XPC: variants seen among roughly 807,000 people sequenced by gnomAD.
XPC encodes XPC complex subunit, DNA damage recognition and repair factor, also known as DNA repair protein complementing XP-C cells.
XPC carries 76 observed loss-of-function variants against 95.8 expected under a neutral mutation model. The ratio of observed to expected loss-of-function variants is 0.79; its 90% CI spans 0.66 to 0.96. The LOEUF (loss-of-function observed/expected upper bound fraction) is 0.96, where lower values mean the gene tolerates loss of function less well. XPC is among the 40% of genes least tolerant of loss of function. XPC has a pLI of 0.00. For synonymous variants in XPC, 442 were observed against 442.1 expected, an observed-to-expected ratio of 1.00 and a Z score of 0.00; for missense variants, 1,146 against 1,179.8, an observed-to-expected ratio of 0.97 and a Z score of 0.42.
intron 6 of XPC, 124 bp downstream of exon 6, chr3:14,165,304 T>C: frequency 1.5e-6 from 2 of 1,295,742 alleles, no homozygotes; most frequent in Non-Finnish European, 2.1e-6. Context: ...TTCAATGCCA[T>C]GCCCACCACC....
rs1472501733 is a variant in XPC, at chr3:14,145,390, T to A, written c.*551A>T. On this transcript the variant is annotated 3_prime_UTR_variant, in exon 16 of 16. Transcript: ENST00000285021. The stretch of plus-strand genomic sequence containing the variant: ...TAGATCCCAGCAGATGACCTGTACT[T>A]CTCTGCTCTCTCCCCTACTGCAAAG... 12 of 699,906 alleles carry A rather than the reference T, an allele frequency of 1.7e-5. No individual in the cohort carries two copies. The highest frequency in any genetic ancestry group is 3.5e-5 in the African/African-American group (2 of 57,152). The allele number at this position is 699,906 out of a possible 1,614,324, so 43.4% of individuals were successfully genotyped here. A position where few individuals can be genotyped will look rare whatever the true frequency, so the allele number is the denominator to read the frequency against.
chr3:14,152,252 C>T (rs1695721181), intron 11 of XPC, 83 bp downstream of exon 11: 2 of 1,243,862 alleles, frequency 1.6e-6, no homozygotes, highest in South Asian at 1.4e-5. Flanking sequence ...GGAGGCTCAT[C>T]ATCACTTCTC....
Position 14,178,538 on chromosome 3 carries a change from G to A in XPC, c.31C>T (p.Pro11Ser), listed in dbSNP as rs779973972. Reference protein sequence around the residue: MARKRAAGGEPRGRELRSQKS... With the variant: MARKRAAGGESRGRELRSQKS... ...TGGCTGCGCAGTTCGCGTCCCCGCG[G>A]CTCCCCGCCGGCCGCGCGTTTCCGA... The change falls in exon 1 of 16, where the codon CCG becomes TCG. Residue 11 changes from proline (P) to serine (S), a missense_variant. Pro to Ser is a moderately conservative substitution (Grantham distance 74). Transcript: ENST00000285021. 3.1e-6 allele frequency: 5 copies of A among 1,612,714 alleles called. No individual in the cohort carries two copies. Among genetic ancestry groups the A allele is most frequent in the Non-Finnish European group, 4.2e-6 (5 of 1,179,620 alleles).
chr3:14,166,994 C>G (rs1001266946), intron 5 of XPC, among the ~76,000 whole-genome samples, 175 bp downstream of exon 5: 15 of 152,248 alleles, frequency 9.9e-5, no homozygotes, highest in Middle Eastern at 3.4e-3. Flanking sequence ...ACACAACCAC[C>G]CTCCAAGACA....
chr3:14,159,979 C>G, intron 7 of XPC, 149 bp from the exon 8 acceptor site: 1 of 637,104 alleles, frequency 1.6e-6, no homozygotes, highest in Non-Finnish European at 2.6e-6. Flanking sequence ...ACTCCAGACA[C>G]TGTTAAAAAC....
Position 14,168,337 on chromosome 3 carries a change from G to A in XPC, c.456C>T (p.Ala152=). The change falls in exon 4 of 16, where the codon GCC becomes GCT. Residue 152 remains alanine, a synonymous_variant. Coordinates refer to ENST00000285021, the MANE Select transcript of XPC (RefSeq NM_004628.5). ...PVLGDVREST[A]FSRSLLPVKP... ...TCACAGGCAGAAGAGATCGAGAGAAGGCTGTACTTTCTCTCACGTCACCCA... is the reference window on the plus strand; with the variant it reads ...TCACAGGCAGAAGAGATCGAGAGAAAGCTGTACTTTCTCTCACGTCACCCA... 1.2e-6 allele frequency: 2 copies of A among 1,613,898 alleles called. No individual in the cohort carries two copies. The highest frequency in any genetic ancestry group is 1.7e-6 in the Non-Finnish European group (2 of 1,179,820).
chr3:14,148,220 GAA>G (rs1695529364), intron 13 of XPC: 1 of 583,466 alleles, frequency 1.7e-6, no homozygotes, highest in South Asian at 2.2e-5. Flanking sequence ...AAGCTGGGGT[GAA>G]AGCCCCTATC....
rs1367666247 is a variant in XPC at position 14,178,483 on chromosome 3, C to G, written c.86G>C (p.Arg29Pro). Residue 29 changes from arginine to proline, a missense_variant, in exon 1 of 16, where the codon CGT (arginine) becomes CCT (proline). Transcript: ENST00000285021. ...QKSKAKSKAR[R>P]EEEEEDAFED... ...GCTCTCACCCTCCTCCTCCTCCTCACGCCGGGCCTTGCTCTTGGCCTTGGA... is the reference window on the plus strand; with the variant it reads ...GCTCTCACCCTCCTCCTCCTCCTCAGGCCGGGCCTTGCTCTTGGCCTTGGA... 9 of 1,611,138 alleles carry G rather than the reference C, an allele frequency of 5.6e-6. No individual in the cohort carries two copies. The African/African-American group carries it at 8.0e-5, about 14-fold the overall frequency.
At chr3:14,177,421 G>A (rs1487205270) in intron 1 of XPC, among the ~76,000 whole-genome samples, 1 of 152,134 alleles carries the variant, frequency 6.6e-6, no homozygotes, top group Non-Finnish European at 1.5e-5. Flanking sequence ...TCTAACTTGA[G>A]TTTTGAAGAA....
At chr3:14,171,033 G>A (rs569063131) in intron 2 of XPC, among the ~76,000 whole-genome samples, 3 of 152,212 alleles carry the variant, frequency 2.0e-5, no homozygotes, top group East Asian at 1.9e-4. Flanking sequence ...CTTCAAGCAG[G>A]GATGTAACTA....
intron 2 of XPC, 24 bp downstream of exon 2, chr3:14,172,843 G>C (rs779436920): frequency 1.2e-6 from 2 of 1,601,662 alleles, no homozygotes; most frequent in African/African-American, 2.7e-5. Context: ...CAAGACCCGA[G>C]ACAAAGCTTT....
chr3:14,159,254 C>T (rs1002825699), intron 8 of XPC, among the ~76,000 whole-genome samples: 1 of 152,170 alleles, frequency 6.6e-6, no homozygotes, highest in Non-Finnish European at 1.5e-5. Flanking sequence ...AGTACTACTA[C>T]CCACCTTGGA....
intron 1 of XPC, among the ~76,000 whole-genome samples, chr3:14,175,731 T>C (rs553319779): frequency 1.3e-5 from 2 of 152,346 alleles, no homozygotes; most frequent in African/African-American, 4.8e-5. Context: ...AAGTATCACC[T>C]TCATTTGCAT....
intron 1 of XPC, among the ~76,000 whole-genome samples, chr3:14,175,175 G>C (rs1696763370): frequency 6.6e-6 from 1 of 152,008 alleles, no homozygotes; most frequent in Non-Finnish European, 1.5e-5. Context: ...CCTCCTAAGA[G>C]TGTTTAAACA....
rs367800362 is a variant in XPC, at chr3:14,147,902, G to A, written c.2514+6C>T. 3.1e-5 allele frequency: 50 copies of A among 1,593,636 alleles called. No individual in the cohort carries two copies. The highest frequency in any genetic ancestry group is 9.0e-5 in the East Asian group (4 of 44,260). ...TGCTGTCCCTCAGTCCTGCATATGC[G>A]CTTACCTCCTTCTCCTTCCTTTCAA... On this transcript the variant is annotated splice_donor_region_variant and intron_variant, in intron 14 of 15. Transcript: ENST00000285021.
At position 14,147,961 on chromosome 3, in the gene XPC, G is replaced by C. The variant is rs908311823; in HGVS notation, c.2461C>G (p.Leu821Val). The C allele has an allele frequency of 5.0e-6, 8 of 1,601,650 alleles. No homozygotes were observed. The highest frequency in any genetic ancestry group is 6.8e-6 in the Non-Finnish European group (8 of 1,173,750). ...TGCTCATTTTCCCAGGCAGTCAGGA[G>C]CACGTCTTTGAATTCCTCGCAGACG... is the stretch of plus-strand genomic sequence containing the variant. The part of the protein sequence containing the change: ...YIVCEEFKDV[L>V]LTAWENEQAV... The change falls in exon 14 of 16, where the codon CTC (leucine) becomes GTC (valine). Residue 821 changes from leucine to valine, a missense_variant. Leu to Val is a conservative substitution (Grantham distance 32). Coordinates refer to ENST00000285021, the MANE Select transcript of XPC (RefSeq NM_004628.5).
Position 14,158,664 on chromosome 3 carries a change from C to T in XPC, c.1219G>A (p.Asp407Asn). Residue 407 changes from aspartate (D) to asparagine (N), a missense_variant, in exon 9 of 16, where the codon GAC becomes AAC. Physicochemically the swap from Asp to Asn is conservative, Grantham distance 23. Transcript: ENST00000285021. This position sits in a 1 kb window ranked among gnomAD's most constrained non-coding sequence, Gnocchi z 5.2. ...SSSEEDEGPG[D>N]KQEKATQRRP... The stretch of plus-strand genomic sequence containing the variant: ...CGCTGGGTTGCCTTCTCCTGCTTGT[C>T]TCCTGGGCCCTCATCTTCCTCGCTG... 1 of 1,613,954 alleles carries T rather than the reference C, an allele frequency of 6.2e-7. No individual in the cohort carries two copies. Among genetic ancestry groups the T allele is most frequent in the South Asian group, 1.1e-5 (1 of 91,084 alleles).
At chr3:14,157,096 G>A (rs959822139) in intron 9 of XPC, among the ~76,000 whole-genome samples, 1 of 152,198 alleles carries the variant, frequency 6.6e-6, no homozygotes, top group African/African-American at 2.4e-5. Flanking sequence ...TGGAGTTGCT[G>A]AGAGTGGGAG....
rs545647739 is a variant in XPC, at chr3:14,173,141, A to G, written c.104-79T>C. The G allele has an allele frequency of 6.5e-6, 9 of 1,380,046 alleles. No individual in the cohort carries two copies. In the East Asian group the frequency reaches 2.3e-4, roughly 35 times the overall value. The allele number at this position is 1,380,046 out of a possible 1,614,324, so 85.5% of individuals were successfully genotyped here. Reference sequence around the variant, plus strand: ...TGCAGCTTATGGGCAGGGGCATAAAACGGCTCTATGACCTGTCTCCAAACC... The same window carrying G: ...TGCAGCTTATGGGCAGGGGCATAAAGCGGCTCTATGACCTGTCTCCAAACC... On this transcript the variant is annotated intron_variant, in intron 1 of 15. Coordinates refer to ENST00000285021, the MANE Select transcript of XPC (RefSeq NM_004628.5).
Sources: gnomAD v4.1 joint callset for allele counts (sites outside exome capture counted in the v4.1 genomes callset) on GRCh38, gnomAD v4.1.1 for gene constraint, Gnocchi (gnomAD v3.1) non-coding constraint, MANE v1.5 for transcripts, NCBI Gene and HGNC (gene_info 2026-07-23, HGNC 2026-07-21) for gene names.